The following KIF13A variants were observed in gnomAD, a reference collection of about 807,000 sequenced individuals.
KIF13A encodes the protein kinesin family member 13A, also known as kinesin-like protein KIF13A.
Under a neutral mutation model 212.2 loss-of-function variants are expected in KIF13A, and 79 were observed. The observed-to-expected ratio is 0.37, with a 90% CI of 0.31 to 0.45. The LOEUF (loss-of-function observed/expected upper bound fraction) is 0.45. KIF13A is among the 20% of genes least tolerant of loss of function. The pLI is 1.00. For missense variants in KIF13A, 1,901 were observed against 2,209.0 expected (o/e 0.86, Z 2.79); for synonymous variants, 789 against 808.6 (o/e 0.98, Z 0.41).
At position 17,787,810 on chromosome 6, in the gene KIF13A, C is replaced by T; in HGVS notation, c.3327G>A (p.Leu1109=). 1.2e-6 allele frequency: 2 copies of T among 1,613,034 alleles called. No homozygotes were observed. Among genetic ancestry groups the T allele is most frequent in the South Asian group, 2.2e-5 (2 of 91,048 alleles). ...TGCTGACTTTTTTTATCTGTTCATC[C>T]AGGTATTCTCGTCGTTTAATGAGTG... ...SDALIKRREY[L]DEQIKKVSNK... Residue 1109 remains leucine (L), a synonymous_variant, in exon 27 of 39, where the codon CTG becomes CTA. Coordinates refer to ENST00000259711, the MANE Select transcript of KIF13A (RefSeq NM_022113.6). The surrounding 1 kb of genome is among the most constrained non-coding windows in gnomAD (Gnocchi z 4.6).
At chr6:17,985,633 G>T (rs373296143) in intron 2 of KIF13A, among the ~76,000 whole-genome samples, 1 of 97,746 alleles carries the variant, frequency 1.0e-5, no homozygotes, top group South Asian at 4.4e-4. Flanking sequence ...TGCAGTTTGC[G>T]GGGGGGTGGG....
At position 17,915,764 on chromosome 6, in the gene KIF13A, C is replaced by T. The variant is rs569460757; in HGVS notation, c.147-17584G>A. ...ATCACTTGAGTCCAGGAGCTTGAGACCAGCCTGGGCAACATGACAAAACAC... is the reference window on the plus strand; with the variant it reads ...ATCACTTGAGTCCAGGAGCTTGAGATCAGCCTGGGCAACATGACAAAACAC... On this transcript the variant is annotated intron_variant, in intron 2 of 38. Transcript: ENST00000259711. This position sits in a 1 kb window ranked among gnomAD's most constrained non-coding sequence, Gnocchi z 4.4. Among the ~76,000 whole-genome samples, 2 of 152,100 alleles carry T rather than the reference C, an allele frequency of 1.3e-5. No homozygotes were observed. Among genetic ancestry groups the T allele is most frequent in the Non-Finnish European group, 2.9e-5 (2 of 68,002 alleles).
intron 3 of KIF13A, chr6:17,882,157 C>G: frequency 4.6e-6 from 2 of 437,858 alleles, no homozygotes; most frequent in South Asian, 3.2e-5. Flanking sequence ...TTTGTCCTTT[C>G]GAGTTGTGTG....
chr6:17,878,994 ATAGGTTGTTATTTTAT>A (rs1321017701), intron 3 of KIF13A, among the ~76,000 whole-genome samples: 7 of 152,218 alleles, frequency 4.6e-5, no homozygotes, highest in African/African-American at 1.4e-4. Context: ...GTCTTGGAGT[ATAGGTTGTTATTTTAT>A]TAAACATTTA....
chr6:17,767,491 G>C (rs774915490), intron 38 of KIF13A, among the ~76,000 whole-genome samples: 2 of 152,130 alleles, frequency 1.3e-5, no homozygotes, highest in Non-Finnish European at 2.9e-5. Context: ...CTGACCTCAG[G>C]CGATCTGCCC....
At chr6:17,969,306 G>A (rs78259790) in intron 2 of KIF13A, among the ~76,000 whole-genome samples, 2 of 152,176 alleles carry the variant, frequency 1.3e-5, no homozygotes, top group Non-Finnish European at 2.9e-5. Flanking sequence ...ACCTCCAATC[G>A]TGATATCTTC....
At chr6:17,977,939 T>G (rs538102382) in intron 2 of KIF13A, among the ~76,000 whole-genome samples, 141 of 152,376 alleles carry the variant, frequency 9.3e-4, no homozygotes, top group Non-Finnish European at 1.7e-3. Flanking sequence ...AAAAACATTT[T>G]AGAGTGTCTA....
chr6:17,789,920 A>C lies in KIF13A; in HGVS notation c.3223-10T>G. 1 of 1,611,056 alleles carries C rather than the reference A, an allele frequency of 6.2e-7. No homozygotes were observed. Among genetic ancestry groups the C allele is most frequent in the East Asian group, 2.2e-5 (1 of 44,838 alleles). On this transcript the variant is annotated splice_polypyrimidine_tract_variant and intron_variant, in intron 25 of 38. Coordinates refer to ENST00000259711, the MANE Select transcript of KIF13A (RefSeq NM_022113.6). The surrounding 1 kb of genome is among the most constrained non-coding windows in gnomAD (Gnocchi z 4.8). ...CATCCTCATCATCTCTCTGGTAGGA[A>C]AAAATAAACACAAAGGACAAGCATT...
rs1469634766 is a variant in KIF13A at position 17,776,683 on chromosome 6, T to C, written c.4170+594A>G. The stretch of plus-strand genomic sequence containing the variant: ...GTGTTTTTCCTTGGAAAGACCTTAC[T>C]TCTACTCAGCTGCTTCTGGGAAGTG... On this transcript the variant is annotated intron_variant, in intron 34 of 38. Coordinates refer to ENST00000259711, the MANE Select transcript of KIF13A (RefSeq NM_022113.6). This position sits in a 1 kb window ranked among gnomAD's most constrained non-coding sequence, Gnocchi z 4.6. Among the ~76,000 whole-genome samples the C allele has an allele frequency of 1.3e-5, 2 of 152,234 alleles. No individual in the cohort carries two copies. The highest frequency in any genetic ancestry group is 3.8e-4 in the East Asian group (2 of 5,198).
Position 17,895,031 on chromosome 6 carries a change from G to T in KIF13A, c.159+3137C>A, listed in dbSNP as rs1030592571. On this transcript the variant is annotated intron_variant, in intron 3 of 38. Coordinates refer to ENST00000259711, the MANE Select transcript of KIF13A (RefSeq NM_022113.6). The surrounding 1 kb of genome is among the most constrained non-coding windows in gnomAD (Gnocchi z 4.4). ...TCCTAAGAAAGGATTAAAAACAGCT[G>T]GATCTATCTGCTGCTAAACCCTTGC... is the stretch of plus-strand genomic sequence containing the variant. Among the ~76,000 whole-genome samples, 1 of 152,130 alleles carries T rather than the reference G, an allele frequency of 6.6e-6. No homozygotes were observed. Among genetic ancestry groups the T allele is most frequent in the Non-Finnish European group, 1.5e-5 (1 of 68,016 alleles).
At chr6:17,884,383 G>A (rs1000653211) in intron 3 of KIF13A, among the ~76,000 whole-genome samples, 2 of 152,222 alleles carry the variant, frequency 1.3e-5, no homozygotes, top group African/African-American at 2.4e-5. Flanking sequence ...GCTGTAGAGC[G>A]TTTGTTATGT....
chr6:17,876,883 C>A (rs1770610253), intron 3 of KIF13A, among the ~76,000 whole-genome samples: 1 of 152,194 alleles, frequency 6.6e-6, no homozygotes, highest in Admixed American at 6.5e-5. Context: ...AATCCTCCCA[C>A]CTTGGCTTCC....
Position 17,817,057 on chromosome 6 carries a change from T to C in KIF13A, c.1963A>G (p.Thr655Ala), listed in dbSNP as rs1764012978. 3 of 1,613,358 alleles carry C rather than the reference T, an allele frequency of 1.9e-6. No homozygotes were observed. Among genetic ancestry groups the C allele is most frequent in the Non-Finnish European group, 2.5e-6 (3 of 1,179,830 alleles). Residue 655 changes from threonine (T) to alanine (A), a missense_variant, in exon 17 of 39, where the codon ACA (threonine) becomes GCA (alanine). Coordinates refer to ENST00000259711, the MANE Select transcript of KIF13A (RefSeq NM_022113.6). ...GPDRLAYSSQ[T>A]AQQKVTQWAE... ...CACTGGGTCACCTTCTGCTGCGCTG[T>C]CTGGCTGCTGTAGGCCAGGCGGTCA...
intron 18 of KIF13A, among the ~76,000 whole-genome samples, chr6:17,806,817 T>C (rs994260127): frequency 2.6e-5 from 4 of 152,086 alleles, no homozygotes; most frequent in Non-Finnish European, 5.9e-5. Context: ...AGGCGGAGGT[T>C]GTAGTGAGCC....
At chr6:17,788,907 T>G (rs1032161858) in intron 26 of KIF13A, among the ~76,000 whole-genome samples, 23 of 151,852 alleles carry the variant, frequency 1.5e-4, no homozygotes, top group African/African-American at 5.3e-4. Flanking sequence ...GTATTTTTAG[T>G]AGAGACGGAG....
chr6:17,832,313 T>C (rs1765519669), intron 12 of KIF13A, among the ~76,000 whole-genome samples: 1 of 152,210 alleles, frequency 6.6e-6, no homozygotes, highest in South Asian at 2.1e-4. Flanking sequence ...CAGCATTTCC[T>C]AACAAGCCCA....
intron 2 of KIF13A, among the ~76,000 whole-genome samples, chr6:17,908,734 A>G (rs1198431986): frequency 1.3e-5 from 2 of 152,126 alleles, no homozygotes; most frequent in Middle Eastern, 3.4e-3. Flanking sequence ...TTCATTTTCA[A>G]TAAAACTCAA....
downstream of KIF13A, chr6:17,760,913 TC>T (rs765895602): frequency 4.3e-6 from 7 of 1,609,446 alleles, no homozygotes; most frequent in Non-Finnish European, 5.1e-6. Flanking sequence ...ATGCTTCTCA[TC>T]CCCACCTCCC....
At chr6:17,956,982 G>C (rs953992429) in intron 2 of KIF13A, among the ~76,000 whole-genome samples, 4 of 152,122 alleles carry the variant, frequency 2.6e-5, no homozygotes, top group African/African-American at 9.7e-5. Context: ...CCAGGTTCAA[G>C]TGATTCTCCT....
Sources: allele counts gnomAD v4.1 joint callset (sites outside exome capture counted in the v4.1 genomes callset), GRCh38; gene constraint gnomAD v4.1.1; non-coding constraint Gnocchi (gnomAD v3.1); transcripts MANE v1.5; gene names NCBI Gene and HGNC (gene_info 2026-07-23, HGNC 2026-07-21).